Variants in WDFY1 observed in about 807,000 individuals in gnomAD.
WDFY1 encodes WD repeat and FYVE domain containing 1.
WDFY1 carries 32 observed loss-of-function variants against 56.4 expected under a neutral mutation model. The ratio of observed to expected loss-of-function variants is 0.57; its 90% CI spans 0.43 to 0.76. WDFY1 has a LOEUF of 0.76. Ranked by LOEUF, WDFY1 falls within the 30% of genes least tolerant of loss-of-function variation. WDFY1 has a pLI of 0.00. For synonymous variants in WDFY1, 192 were observed against 197.3 expected, an observed-to-expected ratio of 0.97 and a Z score of 0.23; for missense variants, 480 against 545.7, an observed-to-expected ratio of 0.88 and a Z score of 1.20.
At chr2:223,898,453 G>T (rs570399614) in intron 6 of WDFY1, among the ~76,000 whole-genome samples, 1 of 152,210 alleles carries the variant, frequency 6.6e-6, no homozygotes, top group South Asian at 2.1e-4. Flanking sequence ...AGGCAGGAGT[G>T]TAGTGCTGTA....
At chr2:223,915,537 A>G (rs1402485226) in intron 2 of WDFY1, among the ~76,000 whole-genome samples, 1 of 152,240 alleles carries the variant, frequency 6.6e-6, no homozygotes, top group African/African-American at 2.4e-5. Context: ...CTCTGTCTCT[A>G]TTCTAATGAG....
At chr2:223,940,792 GC>G (rs1202732819) in intron 1 of WDFY1, among the ~76,000 whole-genome samples, 1 of 151,908 alleles carries the variant, frequency 6.6e-6, no homozygotes, top group Non-Finnish European at 1.5e-5. Context: ...ACAGGTGTGT[GC>G]CACCATGCCC....
intron 1 of WDFY1, among the ~76,000 whole-genome samples, chr2:223,943,048 G>C (rs1689339797): frequency 6.6e-6 from 1 of 151,452 alleles, no homozygotes; most frequent in African/African-American, 2.4e-5. Flanking sequence ...GGGCGTGGTG[G>C]CAGGCGCCTA....
chr2:223,882,395 G>A (rs761994053), intron 9 of WDFY1, among the ~76,000 whole-genome samples: 31 of 152,144 alleles, frequency 2.0e-4, no homozygotes, highest in Non-Finnish European at 4.0e-4. Flanking sequence ...TTACAGGCGT[G>A]AGCCACTGCG....
At chr2:223,896,031 C>T (rs937300196) in intron 6 of WDFY1, among the ~76,000 whole-genome samples, 1 of 151,648 alleles carries the variant, frequency 6.6e-6, no homozygotes, top group Non-Finnish European at 1.5e-5. Context: ...TGGCAGGCGC[C>T]TGTAATCCCA....
intron 6 of WDFY1, among the ~76,000 whole-genome samples, chr2:223,898,468 C>T (rs191717433): frequency 7.1e-4 from 108 of 152,124 alleles, no homozygotes; most frequent in Non-Finnish European, 1.3e-3. Context: ...GCTGTAATCT[C>T]GGCTCACTGC....
At chr2:223,938,144 G>A (rs1454616230) in intron 1 of WDFY1, among the ~76,000 whole-genome samples, 1 of 152,136 alleles carries the variant, frequency 6.6e-6, no homozygotes. Context: ...AATCACATGA[G>A]ATTTATCTTT....
At chr2:223,885,793 C>G (rs934660885) in intron 8 of WDFY1, among the ~76,000 whole-genome samples, 3 of 152,082 alleles carry the variant, frequency 2.0e-5, no homozygotes, top group South Asian at 4.1e-4. Context: ...GGGACTATGC[C>G]GGCAGATTTG....
intron 1 of WDFY1, among the ~76,000 whole-genome samples, chr2:223,933,155 G>A (rs1694108834): frequency 6.6e-6 from 1 of 151,984 alleles, no homozygotes; most frequent in African/African-American, 2.4e-5. Flanking sequence ...GAATTAGATT[G>A]GCTGAGAAAA....
At chr2:223,899,174 T>A in intron 5 of WDFY1, 104 bp from the exon 6 acceptor site, 1 of 893,182 alleles carries the variant, frequency 1.1e-6, no homozygotes, top group Non-Finnish European at 1.8e-6. Flanking sequence ...TTAGAAAACA[T>A]GCATTTTAAA....
intron 3 of WDFY1, among the ~76,000 whole-genome samples, chr2:223,911,125 A>C (rs914778885): frequency 6.6e-6 from 1 of 152,226 alleles, no homozygotes; most frequent in Non-Finnish European, 1.5e-5. Flanking sequence ...CATTATGTTA[A>C]GTGAAAGACA....
intron 1 of WDFY1, among the ~76,000 whole-genome samples, chr2:223,926,481 T>C (rs191390425): frequency 6.6e-6 from 1 of 152,284 alleles, no homozygotes; most frequent in African/African-American, 2.4e-5. Context: ...TACTCCTTGA[T>C]CCATGAGCTA....
chr2:223,924,942 A>G (rs1368161311), intron 1 of WDFY1, among the ~76,000 whole-genome samples: 6 of 152,194 alleles, frequency 3.9e-5, no homozygotes, highest in Non-Finnish European at 7.3e-5. Flanking sequence ...CTGCCCAATA[A>G]TAATGACAAC....
chr2:223,900,657 A>G (rs868574009), intron 5 of WDFY1, among the ~76,000 whole-genome samples: 109 of 152,356 alleles, frequency 7.2e-4, no homozygotes, highest in African/African-American at 2.5e-3. Flanking sequence ...GCATTAAGCA[A>G]AAGTTTTGTG....
At chr2:223,887,628 T>C (rs1230397157) in intron 8 of WDFY1, among the ~76,000 whole-genome samples, 2 of 152,246 alleles carry the variant, frequency 1.3e-5, no homozygotes, top group Non-Finnish European at 2.9e-5. Context: ...GGCTGGATTT[T>C]CTATTTTCCT....
At chr2:223,921,579 T>C (rs531351807) in intron 1 of WDFY1, among the ~76,000 whole-genome samples, 4 of 152,250 alleles carry the variant, frequency 2.6e-5, no homozygotes, top group Admixed American at 2.6e-4. Flanking sequence ...TGTATAGATA[T>C]TTGAGGATAT....
At chr2:223,886,805 A>G (rs1693181722) in intron 8 of WDFY1, among the ~76,000 whole-genome samples, 1 of 151,566 alleles carries the variant, frequency 6.6e-6, no homozygotes, top group Non-Finnish European at 1.5e-5. Context: ...ATAGTAGAAA[A>G]TATTTTTTCT....
At chr2:223,925,864 C>CAGATA (rs1693970504) in intron 1 of WDFY1, among the ~76,000 whole-genome samples, 1 of 152,212 alleles carries the variant, frequency 6.6e-6, no homozygotes, top group Non-Finnish European at 1.5e-5. Flanking sequence ...CAGCTTTTAT[C>CAGATA]ATGAGATTAC....
rs1215323842 is a variant in WDFY1 at position 223,876,031 on chromosome 2, T to A, written c.*2640A>T. 6.6e-6 allele frequency: 1 copy of A among 152,254 alleles called. No homozygotes were observed. The highest frequency in any genetic ancestry group is 2.1e-4 in the South Asian group (1 of 4,834). The allele number at this position is 152,254 out of a possible 1,614,324, so 9.4% of individuals were successfully genotyped here. A position where few individuals can be genotyped will look rare whatever the true frequency, so the allele number is the denominator to read the frequency against. On this transcript the variant is annotated 3_prime_UTR_variant, in exon 12 of 12. Transcript: ENST00000233055. ...TAGGTAGCAGGACAGAGCTAGGACA[T>A]AGTAAAGAGATTTACGATGTAATGA...
Sources: allele counts gnomAD v4.1 joint callset (sites outside exome capture counted in the v4.1 genomes callset), GRCh38; gene constraint gnomAD v4.1.1; transcripts MANE v1.5; gene names NCBI Gene and HGNC (gene_info 2026-07-23, HGNC 2026-07-21).